The following SORT1 variants were observed in gnomAD, a reference collection of about 807,000 sequenced individuals.
The protein encoded by SORT1 is sortilin.
SORT1 carries 39 observed loss-of-function variants against 101.7 expected under a neutral mutation model. The observed-to-expected ratio is 0.38, with a 90% CI of 0.30 to 0.50. The LOEUF (loss-of-function observed/expected upper bound fraction) is 0.50. Ranked by LOEUF, SORT1 falls within the 20% of genes least tolerant of loss-of-function variation. The pLI is 0.90. For synonymous variants in SORT1, 396 were observed against 393.7 expected, an observed-to-expected ratio of 1.01 and a Z score of -0.07; for missense variants, 878 against 1,040.4, an observed-to-expected ratio of 0.84 and a Z score of 2.15.
chr1:109,355,415 A>G lies in SORT1; in HGVS notation c.495T>C (p.Phe165=), dbSNP rs1253043034. The G allele has an allele frequency of 3.1e-6, 5 of 1,607,818 alleles. No individual in the cohort carries two copies. The African/African-American group carries it at 6.7e-5, about 21-fold the overall frequency. The stretch of plus-strand genomic sequence containing the variant: ...TAGCCATGCCAAATTCAGTCCGAAT[A>G]AAGGTGTTATTGATGAGATCTGTAA... ...KDITDLINNT[F]IRTEFGMAIG... The change falls in exon 4 of 20, where the codon TTT becomes TTC. Residue 165 remains phenylalanine (F), a synonymous_variant. Coordinates refer to ENST00000256637, the MANE Select transcript of SORT1 (RefSeq NM_002959.7).
intron 1 of SORT1, among the ~76,000 whole-genome samples, chr1:109,372,283 T>C (rs1651523387): frequency 6.6e-6 from 1 of 152,210 alleles, no homozygotes; most frequent in South Asian, 2.1e-4. Flanking sequence ...CACTTTTAAT[T>C]GTAGCCACAA....
intron 3 of SORT1, among the ~76,000 whole-genome samples, 187 bp from the exon 4 acceptor site, chr1:109,355,656 C>CG (rs1321675043): frequency 7.7e-5 from 10 of 129,420 alleles, no homozygotes; most frequent in African/African-American, 3.1e-4. Context: ...CCCCCCCCCC[C>CG]ACAAACCCAC....
chr1:109,327,406 T>C (rs1386126666), intron 12 of SORT1, 93 bp downstream of exon 12: 2 of 809,354 alleles, frequency 2.5e-6, no homozygotes, highest in African/African-American at 1.7e-5. Flanking sequence ...GCATCCACAT[T>C]GTTTCTTCTC....
rs760225239 is a variant in SORT1, at chr1:109,355,357, T to C, written c.543+10A>G. ...AGCACAAGCTTTATGTATACAAGAATGAGTCTCACCTTTCCAGAGTTCTCA... is the reference window on the plus strand; with the variant it reads ...AGCACAAGCTTTATGTATACAAGAACGAGTCTCACCTTTCCAGAGTTCTCA... On this transcript the variant is annotated intron_variant, in intron 4 of 19. Coordinates refer to ENST00000256637, the MANE Select transcript of SORT1 (RefSeq NM_002959.7). 4 of 1,413,622 alleles carry C rather than the reference T, an allele frequency of 2.8e-6. No homozygotes were observed. Among genetic ancestry groups the C allele is most frequent in the Non-Finnish European group, 4.0e-6 (4 of 997,016 alleles). The allele number at this position is 1,413,622 out of a possible 1,614,324, so 87.6% of individuals were successfully genotyped here.
chr1:109,369,642 T>C (rs903065585), intron 1 of SORT1, 53 bp from the exon 2 acceptor site: 2 of 1,146,330 alleles, frequency 1.7e-6, no homozygotes, highest in Non-Finnish European at 2.6e-6. Context: ...TCCTTCAATC[T>C]TTGGCTTCTT....
chr1:109,395,968 C>T (rs1331473016), intron 1 of SORT1, among the ~76,000 whole-genome samples: 4 of 151,962 alleles, frequency 2.6e-5, no homozygotes, highest in African/African-American at 7.3e-5. Flanking sequence ...CCAGTAGTCC[C>T]GGCTACTTGG....
At chr1:109,368,146 T>A (rs1298525303) in intron 2 of SORT1, among the ~76,000 whole-genome samples, 2 of 151,910 alleles carry the variant, frequency 1.3e-5, no homozygotes, top group Non-Finnish European at 2.9e-5. Flanking sequence ...ATACAAAAAT[T>A]AGCCGGGCGT....
chr1:109,350,806 T>C, intron 6 of SORT1, 123 bp downstream of exon 6: 1 of 727,034 alleles, frequency 1.4e-6, no homozygotes, highest in Non-Finnish European at 2.5e-6. Flanking sequence ...CTCCAATATC[T>C]CTTATGGCAC....
At chr1:109,379,899 T>C (rs1029755624) in intron 1 of SORT1, among the ~76,000 whole-genome samples, 2 of 152,156 alleles carry the variant, frequency 1.3e-5, no homozygotes, top group Non-Finnish European at 2.9e-5. Flanking sequence ...AATAAAAAGC[T>C]GAATTCCTAA....
intron 10 of SORT1, among the ~76,000 whole-genome samples, chr1:109,336,556 C>T (rs11576509): frequency 0.02 from 3,018 of 152,190 alleles, 47 homozygotes; most frequent in Non-Finnish European, 0.031. Flanking sequence ...GCCTGTAATC[C>T]CAGCACTTTG....
intron 13 of SORT1, among the ~76,000 whole-genome samples, chr1:109,325,878 G>A (rs926580792): frequency 3.0e-4 from 45 of 151,938 alleles, no homozygotes; most frequent in African/African-American, 9.9e-4. Flanking sequence ...GTGCATGCCT[G>A]TAATCTCAGC....
chr1:109,319,876 A>G (rs547855681), intron 15 of SORT1, among the ~76,000 whole-genome samples: 30 of 152,106 alleles, frequency 2.0e-4, no homozygotes, highest in South Asian at 4.2e-4. Context: ...CAAAAAAAAA[A>G]AAAAGAAAAG....
At chr1:109,324,788 T>TCATATG in intron 14 of SORT1, 111 bp downstream of exon 14, 1 of 699,934 alleles carries the variant, frequency 1.4e-6, no homozygotes, top group Non-Finnish European at 2.4e-6. Context: ...CAATCCTCTT[T>TCATATG]CATATGCATA....
intron 5 of SORT1, among the ~76,000 whole-genome samples, chr1:109,353,121 T>A (rs1178989787): frequency 6.6e-6 from 1 of 151,130 alleles, no homozygotes; most frequent in Admixed American, 6.6e-5. Flanking sequence ...AGGTCAGGAG[T>A]TCGAGACCAG....
At chr1:109,349,770 TCAAGAA>T (rs1370750954) in intron 6 of SORT1, among the ~76,000 whole-genome samples, 6 of 152,246 alleles carry the variant, frequency 3.9e-5, no homozygotes, top group African/African-American at 1.2e-4. Context: ...ATACCCTATC[TCAAGAA>T]CAAGAACATT....
rs746589943 is a variant in SORT1, at chr1:109,347,508, A to C, written c.807T>G (p.Phe269Leu). The C allele has an allele frequency of 3.7e-6, 6 of 1,611,242 alleles. No individual in the cohort carries two copies. Among genetic ancestry groups the C allele is most frequent in the Non-Finnish European group, 4.2e-6 (5 of 1,177,398 alleles). The part of the protein sequence containing the change: ...AKWGSDNTIF[F>L]TTYANGSCKA... ...TGCAGGAGCCATTTGCATAGGTTGT[A>C]AAGAAGATGGTGTTGTCTGATCCCC... The change falls in exon 7 of 20, where the codon TTT (phenylalanine) becomes TTG (leucine). Residue 269 changes from phenylalanine to leucine, a missense_variant. Coordinates refer to ENST00000256637, the MANE Select transcript of SORT1 (RefSeq NM_002959.7).
intron 1 of SORT1, among the ~76,000 whole-genome samples, chr1:109,371,264 G>T (rs1651467913): frequency 6.6e-6 from 1 of 152,178 alleles, no homozygotes; most frequent in Admixed American, 6.5e-5. Context: ...TGAAACCAGA[G>T]GCTTAAAAAC....
intron 8 of SORT1, 72 bp downstream of exon 8, chr1:109,345,679 G>A (rs1557799000): frequency 2.2e-6 from 3 of 1,389,914 alleles, no homozygotes; most frequent in East Asian, 4.6e-5. Flanking sequence ...TCAATGCCAA[G>A]TAATAAAGAG....
chr1:109,333,827 T>C (rs1011878773), intron 11 of SORT1, among the ~76,000 whole-genome samples: 1 of 152,162 alleles, frequency 6.6e-6, no homozygotes, highest in East Asian at 1.9e-4. Context: ...CATTATGCAA[T>C]ACCGTAAGAA....
Sources: allele counts gnomAD v4.1 joint callset (sites outside exome capture counted in the v4.1 genomes callset), GRCh38; gene constraint gnomAD v4.1.1; transcripts MANE v1.5; gene names NCBI Gene and HGNC (gene_info 2026-07-23, HGNC 2026-07-21).